The following EIF3H variants were observed in gnomAD, a reference collection of about 807,000 sequenced individuals.
EIF3H encodes the protein eIF-3-gamma.
EIF3H carries 26 observed loss-of-function variants against 44.2 expected under a neutral mutation model. The ratio of observed to expected loss-of-function variants is 0.59; its 90% CI spans 0.43 to 0.82. The LOEUF (loss-of-function observed/expected upper bound fraction) is 0.82. EIF3H is among the 40% of genes least tolerant of loss of function. EIF3H has a pLI of 0.00. For synonymous variants in EIF3H, 166 were observed against 151.9 expected, an observed-to-expected ratio of 1.09 and a Z score of -0.68; for missense variants, 359 against 432.8, an observed-to-expected ratio of 0.83 and a Z score of 1.51.
intron 2 of EIF3H, among the ~76,000 whole-genome samples, chr8:116,684,286 T>C (rs72681690): frequency 0.03 from 4,574 of 152,236 alleles, 103 homozygotes; most frequent in South Asian, 0.07. Flanking sequence ...CCTGCAGATG[T>C]GAGGGCTTTT....
chr8:116,739,144 G>C (rs1006036624), intron 1 of EIF3H, among the ~76,000 whole-genome samples: 1 of 152,174 alleles, frequency 6.6e-6, no homozygotes, highest in African/African-American at 2.4e-5. Context: ...GCTTAAAGGT[G>C]TTCTCAAACC....
At chr8:116,702,377 C>G (rs1814392630) in intron 2 of EIF3H, among the ~76,000 whole-genome samples, 1 of 152,192 alleles carries the variant, frequency 6.6e-6, no homozygotes, top group Non-Finnish European at 1.5e-5. Flanking sequence ...ATCATATCAA[C>G]CTAGGGCTGA....
intron 2 of EIF3H, among the ~76,000 whole-genome samples, chr8:116,661,915 T>C (rs1351582731): frequency 6.6e-6 from 1 of 152,196 alleles, no homozygotes; most frequent in Non-Finnish European, 1.5e-5. Context: ...GAGATACCAC[T>C]CCTCCAACAT....
At chr8:116,667,723 T>C (rs1259443221) in intron 2 of EIF3H, among the ~76,000 whole-genome samples, 1 of 152,202 alleles carries the variant, frequency 6.6e-6, no homozygotes, top group African/African-American at 2.4e-5. Context: ...CTTAACTTTC[T>C]TTGCTCCTAA....
intron 1 of EIF3H, among the ~76,000 whole-genome samples, chr8:116,743,450 C>CA (rs1157841478): frequency 6.6e-6 from 1 of 151,576 alleles, no homozygotes; most frequent in Non-Finnish European, 1.5e-5. Context: ...GATCCTGTCT[C>CA]AAAAAATAAT....
At chr8:116,761,842 G>T (rs920537842) in intron 1 of EIF3H, among the ~76,000 whole-genome samples, 1 of 152,110 alleles carries the variant, frequency 6.6e-6, no homozygotes. Flanking sequence ...CATGAATTCC[G>T]CTTGCTTTCT....
intron 6 of EIF3H, among the ~76,000 whole-genome samples, chr8:116,648,219 T>A (rs1186645427): frequency 6.6e-6 from 1 of 152,168 alleles, no homozygotes; most frequent in Non-Finnish European, 1.5e-5. Context: ...AGCAGTATAG[T>A]CCAAATACAA....
At position 116,658,798 on chromosome 8, in the gene EIF3H, A is replaced by C. The variant is rs201985374; in HGVS notation, c.457+15T>G. 1,325 of 1,599,988 alleles carry C rather than the reference A, an allele frequency of 8.3e-4. 3 individuals are homozygous for C. Among genetic ancestry groups the C allele is most frequent in the Non-Finnish European group, 9.4e-4 (1,109 of 1,176,012 alleles). On this transcript the variant is annotated intron_variant, in intron 3 of 7. Coordinates refer to ENST00000521861, the MANE Select transcript of EIF3H (RefSeq NM_003756.3). ...TAATATTAAGGGAAAAAAGAATAAT[A>C]AACCTCCTACTAACCATAAATGAGA...
intron 1 of EIF3H, among the ~76,000 whole-genome samples, chr8:116,729,894 C>T (rs1814921799): frequency 6.6e-6 from 1 of 152,180 alleles, no homozygotes; most frequent in African/African-American, 2.4e-5. Flanking sequence ...AAGATTTCAA[C>T]TCTAAGGATA....
At chr8:116,742,575 G>A (rs1248114362) in intron 1 of EIF3H, among the ~76,000 whole-genome samples, 2 of 152,106 alleles carry the variant, frequency 1.3e-5, no homozygotes, top group Non-Finnish European at 2.9e-5. Flanking sequence ...AAACTTTTCA[G>A]AATTGTTAAG....
At chr8:116,752,759 G>A (rs1472394952) in intron 1 of EIF3H, among the ~76,000 whole-genome samples, 408 of 19,508 alleles carry the variant, frequency 0.021, 18 homozygotes, top group East Asian at 0.073. Flanking sequence ...GAAAGAGGGA[G>A]GGAGGGAGGG....
intron 2 of EIF3H, among the ~76,000 whole-genome samples, chr8:116,683,500 C>T (rs1308029712): frequency 6.6e-6 from 1 of 152,202 alleles, no homozygotes; most frequent in African/African-American, 2.4e-5. Context: ...CCCAAAGGCC[C>T]ACCTCCAGCT....
intron 1 of EIF3H, among the ~76,000 whole-genome samples, chr8:116,748,165 AAAAACAAAAACAAAAC>A (rs1340075883): frequency 6.6e-6 from 1 of 151,918 alleles, no homozygotes; most frequent in East Asian, 1.9e-4. Flanking sequence ...AAACAAAAAA[AAAAACAAAAACAAAAC>A]AAAACAAAAT....
At chr8:116,738,731 G>A (rs1038781490) in intron 1 of EIF3H, among the ~76,000 whole-genome samples, 7 of 152,194 alleles carry the variant, frequency 4.6e-5, no homozygotes, top group African/African-American at 1.7e-4. Flanking sequence ...TAAACTGTTA[G>A]AACCATACCA....
intron 2 of EIF3H, among the ~76,000 whole-genome samples, chr8:116,679,781 C>G (rs1462981138): frequency 7.4e-5 from 1 of 13,438 alleles, no homozygotes; most frequent in Non-Finnish European, 1.8e-4. Context: ...GCCCCCCGCC[C>G]GGCCAGCCGC....
At chr8:116,667,096 T>C (rs1056392727) in intron 2 of EIF3H, among the ~76,000 whole-genome samples, 1 of 152,012 alleles carries the variant, frequency 6.6e-6, no homozygotes, top group South Asian at 2.1e-4. Flanking sequence ...AACTAGAAAC[T>C]GAAGGAGAGG....
intron 1 of EIF3H, among the ~76,000 whole-genome samples, chr8:116,753,631 A>G (rs1488166475): frequency 6.6e-6 from 1 of 152,196 alleles, no homozygotes; most frequent in African/African-American, 2.4e-5. Context: ...AAAATTGAGA[A>G]CCAGTCTCTT....
At chr8:116,731,260 A>G (rs888562252) in intron 1 of EIF3H, among the ~76,000 whole-genome samples, 1 of 152,184 alleles carries the variant, frequency 6.6e-6, no homozygotes, top group African/African-American at 2.4e-5. Flanking sequence ...TTCTGGATAC[A>G]CATTAGAGCC....
chr8:116,671,569 T>A (rs1029844671), intron 2 of EIF3H, among the ~76,000 whole-genome samples: 3 of 152,192 alleles, frequency 2.0e-5, no homozygotes, highest in Non-Finnish European at 4.4e-5. Flanking sequence ...CCATGACAAT[T>A]ATTTATTCTG....
Sources: gnomAD v4.1 joint callset for allele counts (sites outside exome capture counted in the v4.1 genomes callset) on GRCh38, gnomAD v4.1.1 for gene constraint, MANE v1.5 for transcripts, NCBI Gene and HGNC (gene_info 2026-07-23, HGNC 2026-07-21) for gene names.